Variants in PTPN14 observed in about 807,000 individuals in gnomAD.
The protein encoded by PTPN14 is tyrosine-protein phosphatase non-receptor type 14.
PTPN14 carries 53 observed loss-of-function variants against 126.8 expected under a neutral mutation model. That is an observed-to-expected ratio of 0.42 (90% CI 0.34 to 0.53). The LOEUF (loss-of-function observed/expected upper bound fraction) is 0.53, where lower values mean the gene tolerates loss of function less well. Ranked by LOEUF, PTPN14 falls within the 20% of genes least tolerant of loss-of-function variation. PTPN14 has a pLI of 0.08. For synonymous variants in PTPN14, 630 were observed against 599.3 expected, an observed-to-expected ratio of 1.05 and a Z score of -0.75; for missense variants, 1,257 against 1,552.9, an observed-to-expected ratio of 0.81 and a Z score of 3.20.
intron 1 of PTPN14, among the ~76,000 whole-genome samples, chr1:214,542,825 C>G (rs1185844118): frequency 6.6e-6 from 1 of 152,124 alleles, no homozygotes. Context: ...CAGACGCCCA[C>G]GTGGGAATCA....
intron 1 of PTPN14, among the ~76,000 whole-genome samples, chr1:214,467,949 G>A (rs1660677577): frequency 6.6e-6 from 1 of 152,158 alleles, no homozygotes; most frequent in Non-Finnish European, 1.5e-5. Context: ...TGGGCATGAG[G>A]AGGGGGAGGC....
intron 1 of PTPN14, among the ~76,000 whole-genome samples, chr1:214,539,802 A>G (rs544384724): frequency 3.5e-4 from 54 of 152,164 alleles, no homozygotes; most frequent in Non-Finnish European, 6.5e-4. Context: ...AAACACATTC[A>G]TAAGGATGAA....
At chr1:214,398,233 G>A (rs1037525594) in intron 7 of PTPN14, among the ~76,000 whole-genome samples, 1 of 152,148 alleles carries the variant, frequency 6.6e-6, no homozygotes, top group Non-Finnish European at 1.5e-5. Flanking sequence ...AATAAGCCAG[G>A]TACAGAAAGC....
chr1:214,492,174 T>C (rs1661264321), intron 1 of PTPN14, among the ~76,000 whole-genome samples: 1 of 151,816 alleles, frequency 6.6e-6, no homozygotes. Flanking sequence ...AAATGCAGGA[T>C]ACTGTGTTTA....
chr1:214,414,155 C>A (rs545898800), intron 4 of PTPN14, among the ~76,000 whole-genome samples: 1 of 152,232 alleles, frequency 6.6e-6, no homozygotes, highest in East Asian at 1.9e-4. Context: ...CAGTCCAATA[C>A]ACATTTGTTG....
At chr1:214,415,559 G>C (rs954797981) in intron 3 of PTPN14, among the ~76,000 whole-genome samples, 3 of 152,192 alleles carry the variant, frequency 2.0e-5, no homozygotes, top group African/African-American at 7.2e-5. Context: ...CCTGGTAACT[G>C]TAACTCTGTA....
At chr1:214,403,550 C>T (rs1356986179) in intron 5 of PTPN14, among the ~76,000 whole-genome samples, 1 of 152,198 alleles carries the variant, frequency 6.6e-6, no homozygotes, top group East Asian at 1.9e-4. Context: ...AGCTGAACCC[C>T]AGGCCCCTGG....
rs1245939353 is a variant in PTPN14 at position 214,419,337 on chromosome 1, C to T, written c.345-4611G>A. ...TAGAGTTCAAATTTAGTTAAACCAA[C>T]TTATCTCTCCCCATAGGCACGGTCA... On this transcript the variant is annotated intron_variant, in intron 3 of 18. Transcript: ENST00000366956. 3.9e-5 allele frequency among the ~76,000 whole-genome samples: 6 copies of T among 152,262 alleles called. No individual in the cohort carries two copies. In the East Asian group the frequency reaches 1.2e-3, roughly 29 times the overall value.
At chr1:214,543,130 A>AC (rs1250556839) in intron 1 of PTPN14, among the ~76,000 whole-genome samples, 4 of 152,212 alleles carry the variant, frequency 2.6e-5, no homozygotes, top group African/African-American at 9.7e-5. Context: ...AGTTTGAATA[A>AC]TGGGGTATTC....
At chr1:214,457,206 G>T (rs1200051878) in intron 2 of PTPN14, among the ~76,000 whole-genome samples, 1 of 152,182 alleles carries the variant, frequency 6.6e-6, no homozygotes, top group Non-Finnish European at 1.5e-5. Flanking sequence ...CTACTGTAGT[G>T]ATAGCTTTGG....
At chr1:214,379,967 G>A (rs1374456551) in intron 13 of PTPN14, among the ~76,000 whole-genome samples, 1 of 152,196 alleles carries the variant, frequency 6.6e-6, no homozygotes, top group Non-Finnish European at 1.5e-5. Context: ...ACTGAGACCT[G>A]TCTCAGATTT....
chr1:214,403,490 A>T (rs1405957961), intron 5 of PTPN14, among the ~76,000 whole-genome samples: 19 of 152,150 alleles, frequency 1.2e-4, no homozygotes, highest in Non-Finnish European at 2.1e-4. Context: ...ACATCTCCAG[A>T]GAGCTCTGTA....
chr1:214,526,850 C>T (rs60226530), intron 1 of PTPN14, among the ~76,000 whole-genome samples: 2,364 of 152,074 alleles, frequency 0.016, 61 homozygotes, highest in African/African-American at 0.052. Context: ...CCAGCACTTT[C>T]GGAGGCCAAC....
At chr1:214,475,114 C>A (rs1362222464) in intron 1 of PTPN14, among the ~76,000 whole-genome samples, 1 of 152,144 alleles carries the variant, frequency 6.6e-6, no homozygotes, top group Non-Finnish European at 1.5e-5. Flanking sequence ...TTCTCTACAG[C>A]TTTGTATGTG....
chr1:214,529,056 A>T (rs2102466871), intron 1 of PTPN14: 1 of 152,300 alleles, frequency 6.6e-6, no homozygotes, highest in African/African-American at 2.4e-5. Flanking sequence ...TAGCTCTAAG[A>T]CTTTGGGAGG....
chr1:214,491,063 G>C (rs1456564761), intron 1 of PTPN14, among the ~76,000 whole-genome samples: 1 of 142,752 alleles, frequency 7.0e-6, no homozygotes, highest in Non-Finnish European at 1.6e-5. Context: ...GAAAAACAAA[G>C]AAAGAAAGAA....
chr1:214,511,443 C>T (rs1382353943), intron 1 of PTPN14, among the ~76,000 whole-genome samples: 2 of 149,462 alleles, frequency 1.3e-5, no homozygotes, highest in Non-Finnish European at 3.0e-5. Flanking sequence ...AAATCAAAGC[C>T]ACAGTGAGAC....
chr1:214,389,974 C>T lies in PTPN14; in HGVS notation c.987+1014G>A, dbSNP rs547496259. Reference sequence around the variant, plus strand: ...TCACACAGGCACTCAGGAATTACTGCGATAATATAATGACTCAACTCAAGA... The same window carrying T: ...TCACACAGGCACTCAGGAATTACTGTGATAATATAATGACTCAACTCAAGA... On this transcript the variant is annotated intron_variant, in intron 11 of 18. Transcript: ENST00000366956. 1.8e-4 allele frequency among the ~76,000 whole-genome samples: 27 copies of T among 152,206 alleles called. No homozygotes were observed. The South Asian group carries it at 4.2e-3, about 23-fold the overall frequency.
chr1:214,357,844 G>T lies in PTPN14; in HGVS notation c.*78C>A, dbSNP rs529259357. ...CCAGCCACCTGCACCCCTGTGGGGG[G>T]AGCAGATGTTGTCTGGAGGTGACTC... On this transcript the variant is annotated 3_prime_UTR_variant, in exon 19 of 19. Transcript: ENST00000366956. 2.2e-6 allele frequency: 3 copies of T among 1,380,090 alleles called. No individual in the cohort carries two copies. The highest frequency in any genetic ancestry group is 2.5e-5 in the South Asian group (2 of 78,966). The allele number at this position is 1,380,090 out of a possible 1,614,324, so 85.5% of individuals were successfully genotyped here. A position where few individuals can be genotyped will look rare whatever the true frequency, so the allele number is the denominator to read the frequency against.
Sources: allele counts gnomAD v4.1 joint callset (sites outside exome capture counted in the v4.1 genomes callset), GRCh38; gene constraint gnomAD v4.1.1; transcripts MANE v1.5; gene names NCBI Gene and HGNC (gene_info 2026-07-23, HGNC 2026-07-21).